Variants in SPON1 observed in about 807,000 individuals in gnomAD.
The protein encoded by SPON1 is spondin-1.
In SPON1, 52 loss-of-function variants were observed where a neutral mutation model predicts 111.7. The ratio of observed to expected loss-of-function variants is 0.47; its 90% CI spans 0.37 to 0.59. SPON1 has a LOEUF of 0.59. Among genes scored for constraint, SPON1 ranks in the 20% least tolerant of loss-of-function variants. The pLI, the probability that SPON1 is intolerant of heterozygous loss-of-function variation, is 0.00. For missense variants in SPON1, 957 were observed against 1,068.5 expected (o/e 0.90, Z 1.46); for synonymous variants, 410 against 395.8 (o/e 1.04, Z -0.43).
At chr11:14,045,631 T>A (rs1350097963) in intron 3 of SPON1, among the ~76,000 whole-genome samples, 1 of 135,792 alleles carries the variant, frequency 7.4e-6, no homozygotes, top group African/African-American at 2.6e-5. Flanking sequence ...AATATATATA[T>A]TATATTTAAA....
At chr11:14,218,554 G>A (rs576079557) in intron 6 of SPON1, among the ~76,000 whole-genome samples, 2 of 152,214 alleles carry the variant, frequency 1.3e-5, no homozygotes, top group African/African-American at 2.4e-5. Flanking sequence ...TGAATGAAGT[G>A]TCAGCCCCAA....
intron 2 of SPON1, among the ~76,000 whole-genome samples, chr11:14,011,940 C>T (rs1554913776): frequency 1.3e-5 from 2 of 152,112 alleles, no homozygotes; most frequent in Non-Finnish European, 1.5e-5. Flanking sequence ...CCTCAGTTTC[C>T]CTGTGTGTAA....
chr11:14,191,953 G>T (rs1342652750), intron 6 of SPON1, among the ~76,000 whole-genome samples: 1 of 152,102 alleles, frequency 6.6e-6, no homozygotes, highest in Non-Finnish European at 1.5e-5. Context: ...AGCCATGTTT[G>T]TATAATTGAG....
chr11:14,138,977 C>A (rs1554928465), intron 6 of SPON1, among the ~76,000 whole-genome samples: 1 of 152,138 alleles, frequency 6.6e-6, no homozygotes, highest in Non-Finnish European at 1.5e-5. Flanking sequence ...GCCTCTGATT[C>A]TCCTCCTGTT....
Position 13,988,485 on chromosome 11 carries a change from A to G in SPON1, c.345+5532A>G, listed in dbSNP as rs374645181. ...GGTTTTCTAAGTATACAATCATGTC[A>G]TCTACAAATAGAGACAATTTGACTT... On this transcript the variant is annotated intron_variant, in intron 2 of 15. Transcript: ENST00000576479. 1.9e-4 allele frequency among the ~76,000 whole-genome samples: 29 copies of G among 152,314 alleles called. 1 individual carries two copies. In the South Asian group the frequency reaches 5.2e-3, roughly 27 times the overall value.
rs576316445 is a variant in SPON1 at position 14,167,777 on chromosome 11, C to T, written c.825+32209C>T. Among the ~76,000 whole-genome samples, 5 of 152,234 alleles carry T rather than the reference C, an allele frequency of 3.3e-5. No individual in the cohort carries two copies. In the East Asian group the frequency reaches 9.6e-4, roughly 29 times the overall value. ...CACATGGGCCCAGATTCTGGTCCCACATCAGTATGATTTTAATGTGTTAAC... is the reference window on the plus strand; with the variant it reads ...CACATGGGCCCAGATTCTGGTCCCATATCAGTATGATTTTAATGTGTTAAC... On this transcript the variant is annotated intron_variant, in intron 6 of 15. Coordinates refer to ENST00000576479, the MANE Select transcript of SPON1 (RefSeq NM_006108.4).
rs569202159 is a variant in SPON1, at chr11:13,969,148, G to A, written c.238+6006G>A. Among the ~76,000 whole-genome samples the A allele has an allele frequency of 9.0e-5, 13 of 144,992 alleles. No homozygotes were observed. In the East Asian group the frequency reaches 2.3e-3, roughly 25 times the overall value. On this transcript the variant is annotated intron_variant, in intron 1 of 15. Coordinates refer to ENST00000576479, the MANE Select transcript of SPON1 (RefSeq NM_006108.4). The stretch of plus-strand genomic sequence containing the variant: ...TAACCTCAACACTTTGGGAGGCTGA[G>A]ACAGGTGGATTGCTTAACCCCAGGA...
chr11:14,265,463 G>T lies in SPON1; in HGVS notation c.2261-61G>T, dbSNP rs1554942372. ...AAGCACATTTCACAGTTCTACTAGA[G>T]TTCAGCATCCCTGTTCCGTCCCGTT... On this transcript the variant is annotated intron_variant, in intron 15 of 15. Coordinates refer to ENST00000576479, the MANE Select transcript of SPON1 (RefSeq NM_006108.4). The T allele has an allele frequency of 5.8e-6, 9 of 1,539,210 alleles. No individual in the cohort carries two copies. In the Admixed American group the frequency reaches 1.8e-4, roughly 30 times the overall value.
At chr11:14,086,154 T>C (rs1180640270) in intron 5 of SPON1, among the ~76,000 whole-genome samples, 1 of 152,180 alleles carries the variant, frequency 6.6e-6, no homozygotes, top group Non-Finnish European at 1.5e-5. Flanking sequence ...TCTTGCCTGA[T>C]TGCCCTGGTC....
chr11:14,161,227 A>ATCTATATATTTATATATATCTATATT (rs1847955156), intron 6 of SPON1, among the ~76,000 whole-genome samples: 1 of 35,574 alleles, frequency 2.8e-5, no homozygotes, highest in African/African-American at 8.0e-5. Context: ...ATCTATATAT[A>ATCTATATATTTATATATATCTATATT]TTTATATATT....
intron 6 of SPON1, among the ~76,000 whole-genome samples, chr11:14,209,300 T>C (rs1158826174): frequency 1.3e-5 from 2 of 152,202 alleles, no homozygotes; most frequent in Non-Finnish European, 2.9e-5. Flanking sequence ...CTTGGATACA[T>C]GTGCAGAACG....
intron 5 of SPON1, among the ~76,000 whole-genome samples, chr11:14,093,189 A>C (rs1485425958): frequency 6.6e-6 from 1 of 152,240 alleles, no homozygotes; most frequent in Non-Finnish European, 1.5e-5. Flanking sequence ...CAGCTCCTGC[A>C]ATGTCTGTTC....
intron 11 of SPON1, 100 bp downstream of exon 11, chr11:14,257,998 C>T: frequency 8.5e-7 from 1 of 1,180,318 alleles, no homozygotes; most frequent in Non-Finnish European, 1.1e-6. Context: ...CACAAGGACC[C>T]TGACAGTAGA....
chr11:14,177,556 T>C (rs1409082265), intron 6 of SPON1, among the ~76,000 whole-genome samples: 2 of 152,152 alleles, frequency 1.3e-5, no homozygotes, highest in Non-Finnish European at 2.9e-5. Flanking sequence ...GCACTGATCT[T>C]AAGAGCAGTT....
At chr11:14,176,003 C>T (rs1482542257) in intron 6 of SPON1, among the ~76,000 whole-genome samples, 1 of 152,150 alleles carries the variant, frequency 6.6e-6, no homozygotes, top group Non-Finnish European at 1.5e-5. Flanking sequence ...AACTTTTTCC[C>T]ATTGGTCCCT....
At chr11:14,093,608 A>G (rs1849075941) in intron 5 of SPON1, among the ~76,000 whole-genome samples, 1 of 152,206 alleles carries the variant, frequency 6.6e-6, no homozygotes, top group African/African-American at 2.4e-5. Context: ...AATATACTCT[A>G]TATAATCAAA....
At chr11:14,159,347 T>C (rs1554930692) in intron 6 of SPON1, among the ~76,000 whole-genome samples, 1 of 152,004 alleles carries the variant, frequency 6.6e-6, no homozygotes, top group African/African-American at 2.4e-5. Context: ...CTCACCCCAG[T>C]TAAAATGGCT....
At chr11:14,165,474 A>T (rs2133878331) in intron 6 of SPON1, among the ~76,000 whole-genome samples, 2 of 152,280 alleles carry the variant, frequency 1.3e-5, no homozygotes, top group African/African-American at 4.8e-5. Context: ...CTGGGTTTTC[A>T]AGGCTTGCAT....
chr11:14,055,245 C>A (rs892614668), intron 3 of SPON1, among the ~76,000 whole-genome samples: 6 of 152,174 alleles, frequency 3.9e-5, no homozygotes, highest in Non-Finnish European at 8.8e-5. Context: ...GCCTTGCCTT[C>A]TTCATCAGTC....
Sources: gnomAD v4.1 joint callset for allele counts (sites outside exome capture counted in the v4.1 genomes callset) on GRCh38, gnomAD v4.1.1 for gene constraint, MANE v1.5 for transcripts, NCBI Gene and HGNC (gene_info 2026-07-23, HGNC 2026-07-21) for gene names.